The following ACOXL variants were observed in gnomAD, a reference collection of about 807,000 sequenced individuals.
ACOXL encodes acyl-CoA oxidase like, also known as acyl-coenzyme A oxidase-like protein.
A neutral mutation model predicts 71.9 loss-of-function variants in ACOXL; 70 were observed. That is an observed-to-expected ratio of 0.97 (90% confidence interval 0.80 to 1.19). ACOXL has a LOEUF of 1.19. ACOXL is among the 50% of genes most tolerant of loss of function. The probability of loss-of-function intolerance (pLI) is 0.00; values close to 1 mark genes in which losing one functional copy is unlikely to be tolerated. For synonymous variants in ACOXL, 253 were observed against 281.6 expected (o/e 0.90, Z 1.02); for missense variants, 703 against 736.3 (o/e 0.95, Z 0.52).
chr2:110,742,947 T>C (rs1677730526), intron 1 of ACOXL, among the ~76,000 whole-genome samples: 2 of 152,214 alleles, frequency 1.3e-5, no homozygotes, highest in Admixed American at 1.3e-4. Flanking sequence ...CTAACCATTT[T>C]AAAGTGTACA....
At chr2:110,869,745 C>T (rs1197710500) in intron 10 of ACOXL, among the ~76,000 whole-genome samples, 1 of 152,252 alleles carries the variant, frequency 6.6e-6, no homozygotes, top group Non-Finnish European at 1.5e-5. Context: ...AGCCACTGTG[C>T]TCTCTTGGCC....
At chr2:110,798,514 C>T (rs557634379) in intron 5 of ACOXL, 96 bp from the exon 6 acceptor site, 98 of 1,001,612 alleles carry the variant, frequency 9.8e-5, no homozygotes, top group Non-Finnish European at 1.4e-4. Flanking sequence ...CCTCGGCCCC[C>T]CAAAGTGCTG....
intron 10 of ACOXL, among the ~76,000 whole-genome samples, chr2:110,890,754 A>G (rs1196003321): frequency 6.6e-6 from 1 of 152,066 alleles, no homozygotes; most frequent in Admixed American, 6.6e-5. Flanking sequence ...GAGTCTTTCA[A>G]CATTATTCTT....
chr2:110,900,623 G>T (rs752488745), intron 10 of ACOXL, among the ~76,000 whole-genome samples: 1 of 152,180 alleles, frequency 6.6e-6, no homozygotes, highest in Admixed American at 6.5e-5. Flanking sequence ...GGTGATGCAG[G>T]TGGGGATATG....
chr2:111,004,229 G>T (rs1222261684), intron 14 of ACOXL, among the ~76,000 whole-genome samples: 1 of 152,162 alleles, frequency 6.6e-6, no homozygotes, highest in Non-Finnish European at 1.5e-5. Context: ...ACACAAGTGG[G>T]TTTTCTCAGA....
intron 3 of ACOXL, among the ~76,000 whole-genome samples, chr2:110,791,691 C>T (rs568675373): frequency 6.6e-6 from 1 of 152,308 alleles, no homozygotes; most frequent in Admixed American, 6.5e-5. Context: ...TAGTGAAATT[C>T]ATCTGTCCTG....
chr2:110,977,916 C>T (rs372761529), intron 12 of ACOXL, among the ~76,000 whole-genome samples: 1 of 152,100 alleles, frequency 6.6e-6, no homozygotes, highest in African/African-American at 2.4e-5. Flanking sequence ...CAGAGATTGC[C>T]GTGGGGATTC....
intron 14 of ACOXL, among the ~76,000 whole-genome samples, chr2:111,003,476 AG>A (rs1343751644): frequency 7.3e-6 from 1 of 137,816 alleles, no homozygotes; most frequent in Non-Finnish European, 1.5e-5. Flanking sequence ...GCTTGAACCC[AG>A]GAGGCGGAGG....
At chr2:110,948,728 A>AG in intron 12 of ACOXL, among the ~76,000 whole-genome samples, 1 of 133,548 alleles carries the variant, frequency 7.5e-6, no homozygotes, top group South Asian at 2.5e-4. Flanking sequence ...AAAAAAAAAA[A>AG]TAGACTGAAA....
At chr2:110,796,115 T>C (rs1685251426) in intron 5 of ACOXL, 1 of 152,082 alleles carries the variant, frequency 6.6e-6, no homozygotes, top group South Asian at 2.1e-4. Context: ...TCCCCTTCAT[T>C]TCCCTTTCAA....
intron 12 of ACOXL, among the ~76,000 whole-genome samples, chr2:110,953,250 G>C (rs2061387767): frequency 6.6e-6 from 1 of 152,054 alleles, no homozygotes; most frequent in South Asian, 2.1e-4. Flanking sequence ...TTTGACTAGG[G>C]AGTATAACTA....
intron 10 of ACOXL, among the ~76,000 whole-genome samples, chr2:110,873,887 GC>G (rs755731744): frequency 7.3e-4 from 111 of 152,224 alleles, no homozygotes; most frequent in Non-Finnish European, 1.0e-3. Context: ...AGGTCATGCA[GC>G]CCTTCCCTCA....
chr2:110,999,395 T>C (rs2063526506), intron 14 of ACOXL, among the ~76,000 whole-genome samples: 1 of 152,146 alleles, frequency 6.6e-6, no homozygotes, highest in South Asian at 2.1e-4. Flanking sequence ...TGTTTGAATT[T>C]AGAGAGACAT....
At chr2:110,793,803 C>G in intron 4 of ACOXL, 67 bp downstream of exon 4, 1 of 1,237,536 alleles carries the variant, frequency 8.1e-7, no homozygotes, top group South Asian at 1.2e-5. Flanking sequence ...GATAGATATG[C>G]ATGTGTGTAT....
chr2:111,055,630 G>A (rs1054578350), intron 16 of ACOXL, among the ~76,000 whole-genome samples: 1 of 152,232 alleles, frequency 6.6e-6, no homozygotes, highest in Non-Finnish European at 1.5e-5. Context: ...CCCTGTGAAT[G>A]CATCACATGT....
At chr2:110,807,359 T>C (rs1048244800) in intron 9 of ACOXL, among the ~76,000 whole-genome samples, 1 of 152,178 alleles carries the variant, frequency 6.6e-6, no homozygotes, top group African/African-American at 2.4e-5. Flanking sequence ...ACAGCTGTTA[T>C]TTGTGTGATG....
chr2:110,952,605 C>T (rs1264116815), intron 12 of ACOXL, among the ~76,000 whole-genome samples: 2 of 152,020 alleles, frequency 1.3e-5, no homozygotes, highest in African/African-American at 4.8e-5. Flanking sequence ...TGCTATCATG[C>T]CCAGCTAATT....
intron 14 of ACOXL, among the ~76,000 whole-genome samples, chr2:111,005,683 A>G (rs577052302): frequency 6.6e-6 from 1 of 152,308 alleles, no homozygotes; most frequent in Non-Finnish European, 1.5e-5. Context: ...GTCTCACCTT[A>G]GTTCTCTTCT....
intron 12 of ACOXL, among the ~76,000 whole-genome samples, chr2:110,979,253 T>A (rs1339713414): frequency 1.3e-5 from 2 of 152,160 alleles, no homozygotes; most frequent in Non-Finnish European, 2.9e-5. Context: ...CCAACCATGC[T>A]CCTTGGTGAC....
Sources: gnomAD v4.1 joint callset for allele counts (sites outside exome capture counted in the v4.1 genomes callset) on GRCh38, gnomAD v4.1.1 for gene constraint, MANE v1.5 for transcripts, NCBI Gene and HGNC (gene_info 2026-07-23, HGNC 2026-07-21) for gene names.